The following CNTN4 variants were observed in gnomAD, a reference collection of about 807,000 sequenced individuals.
CNTN4 encodes contactin 4.
Under a neutral mutation model 122.5 loss-of-function variants are expected in CNTN4, and 77 were observed. The ratio of observed to expected loss-of-function variants is 0.63; its 90% CI spans 0.52 to 0.76. The LOEUF is 0.76. CNTN4 is among the 30% of genes least tolerant of loss of function. CNTN4 has a pLI of 0.00. For missense variants in CNTN4, 1,256 were observed against 1,259.1 expected, an observed-to-expected ratio of 1.00 and a Z score of 0.04; for synonymous variants, 512 against 447.0, an observed-to-expected ratio of 1.15 and a Z score of -1.83.
At chr3:2,332,165 A>G (rs139531842) in intron 2 of CNTN4, among the ~76,000 whole-genome samples, 100 of 152,278 alleles carry the variant, frequency 6.6e-4, no homozygotes, top group African/African-American at 2.1e-3. Context: ...AGATTTCAGG[A>G]TAGTAACTTA....
chr3:2,545,652 A>G (rs778588848), intron 3 of CNTN4, among the ~76,000 whole-genome samples: 2 of 148,498 alleles, frequency 1.3e-5, no homozygotes, highest in Non-Finnish European at 3.0e-5. Context: ...CTTTGCTGGT[A>G]TAAAGTCTGT....
intron 13 of CNTN4, among the ~76,000 whole-genome samples, chr3:2,939,774 T>C (rs58264368): frequency 0.028 from 4,283 of 152,224 alleles, 214 homozygotes; most frequent in African/African-American, 0.097. Flanking sequence ...AGGTGAAGAG[T>C]TCAGTGTTGG....
At chr3:2,855,994 A>G (rs2093614386) in intron 7 of CNTN4, among the ~76,000 whole-genome samples, 1 of 152,114 alleles carries the variant, frequency 6.6e-6, no homozygotes. Context: ...TTTACCATTA[A>G]TGGTCTGATG....
intron 4 of CNTN4, among the ~76,000 whole-genome samples, chr3:2,686,983 C>T (rs2085464431): frequency 6.6e-6 from 1 of 152,214 alleles, no homozygotes; most frequent in Middle Eastern, 3.4e-3. Flanking sequence ...GAGAGCCAAG[C>T]TAAAGATTTA....
intron 2 of CNTN4, among the ~76,000 whole-genome samples, chr3:2,308,093 T>A (rs1398671838): frequency 6.6e-6 from 1 of 152,156 alleles, no homozygotes; most frequent in Non-Finnish European, 1.5e-5. Flanking sequence ...ACAGGGTTAT[T>A]CAGATTTTCT....
intron 12 of CNTN4, among the ~76,000 whole-genome samples, chr3:2,918,605 A>G (rs1457017143): frequency 1.3e-5 from 2 of 152,178 alleles, no homozygotes; most frequent in Non-Finnish European, 2.9e-5. Flanking sequence ...CAAGGTAGGA[A>G]TATTTACACC....
At chr3:2,921,600 CA>C (rs2094430550) in intron 12 of CNTN4, among the ~76,000 whole-genome samples, 1 of 152,106 alleles carries the variant, frequency 6.6e-6, no homozygotes, top group Non-Finnish European at 1.5e-5. Flanking sequence ...GCTGAACTTC[CA>C]AAAAAGCTGG....
intron 3 of CNTN4, among the ~76,000 whole-genome samples, chr3:2,561,880 G>C (rs918787362): frequency 2.0e-5 from 3 of 152,166 alleles, no homozygotes; most frequent in African/African-American, 7.2e-5. Context: ...CATGCTGAGA[G>C]GATTCTGGGG....
At chr3:3,035,166 G>A (rs1163142344) in intron 17 of CNTN4, among the ~76,000 whole-genome samples, 1 of 151,896 alleles carries the variant, frequency 6.6e-6, no homozygotes, top group Non-Finnish European at 1.5e-5. Context: ...AAATTAGCCT[G>A]GCATGGTGGT....
intron 3 of CNTN4, among the ~76,000 whole-genome samples, chr3:2,364,672 A>T (rs114136848): frequency 3.3e-4 from 50 of 152,230 alleles, no homozygotes; most frequent in African/African-American, 1.1e-3. Flanking sequence ...TATTGCACTG[A>T]GTTGGGAAAT....
chr3:2,553,114 T>C (rs1047088896), intron 3 of CNTN4, among the ~76,000 whole-genome samples: 3 of 152,176 alleles, frequency 2.0e-5, no homozygotes, highest in Admixed American at 1.3e-4. Context: ...AGGTTATTGA[T>C]TAAACACCAC....
At chr3:2,508,487 T>C (rs1021600395) in intron 3 of CNTN4, among the ~76,000 whole-genome samples, 9 of 152,206 alleles carry the variant, frequency 5.9e-5, no homozygotes, top group Non-Finnish European at 1.2e-4. Context: ...TTCCCATAAC[T>C]TTCATTCTGC....
intron 4 of CNTN4, among the ~76,000 whole-genome samples, chr3:2,611,297 C>CAAAAAAAAAA (rs201162114): frequency 0.056 from 3,346 of 59,478 alleles, 93 homozygotes; most frequent in Admixed American, 0.081. Context: ...CACCTGGAAC[C>CAAAAAAAAAA]AAAAAAAAAA....
At chr3:2,291,982 C>A (rs1054748700) in intron 2 of CNTN4, among the ~76,000 whole-genome samples, 4 of 152,070 alleles carry the variant, frequency 2.6e-5, no homozygotes, top group African/African-American at 4.8e-5. Flanking sequence ...GTGATCCACC[C>A]GCCTCAGCCT....
chr3:2,924,954 C>A (rs564451689), intron 12 of CNTN4, among the ~76,000 whole-genome samples: 46 of 151,996 alleles, frequency 3.0e-4, no homozygotes, highest in Non-Finnish European at 5.3e-4. Flanking sequence ...AAAAAAAAAT[C>A]TTATGGCGTT....
intron 3 of CNTN4, among the ~76,000 whole-genome samples, chr3:2,514,702 G>A (rs1292257407): frequency 3.3e-5 from 5 of 152,072 alleles, no homozygotes; most frequent in Admixed American, 6.6e-5. Flanking sequence ...GTAAAATGAA[G>A]TATGATTTCT....
At chr3:2,679,166 A>G (rs942370636) in intron 4 of CNTN4, among the ~76,000 whole-genome samples, 4 of 152,162 alleles carry the variant, frequency 2.6e-5, no homozygotes, top group Non-Finnish European at 4.4e-5. Flanking sequence ...ATGTTTCTTA[A>G]TTAAGAATTA....
chr3:2,484,461 A>T lies in CNTN4; in HGVS notation c.-88-86955A>T, dbSNP rs185282199. Among the ~76,000 whole-genome samples the T allele has an allele frequency of 1.3e-3, 199 of 152,264 alleles. 1 individual carries two copies. Among genetic ancestry groups the T allele is most frequent in the East Asian group, 1.5e-3 (8 of 5,168 alleles). On this transcript the variant is annotated intron_variant, in intron 3 of 24. Coordinates refer to ENST00000418658, the MANE Select transcript of CNTN4 (RefSeq NM_175607.3). ...GATGCTTTGGGCTTCCCTGGCATGC[A>T]GTGACTCTTATAACTGTGTATTCCA... is the stretch of plus-strand genomic sequence containing the variant.
intron 4 of CNTN4, among the ~76,000 whole-genome samples, chr3:2,724,487 T>G (rs1027594390): frequency 9.2e-5 from 14 of 152,234 alleles, no homozygotes; most frequent in Admixed American, 5.2e-4. Flanking sequence ...GTTAGAAATA[T>G]GTTCTCCAAG....
Sources: allele counts gnomAD v4.1 joint callset (sites outside exome capture counted in the v4.1 genomes callset), GRCh38; gene constraint gnomAD v4.1.1; transcripts MANE v1.5; gene names NCBI Gene and HGNC (gene_info 2026-07-23, HGNC 2026-07-21).